Variants in STAM observed in about 807,000 individuals in gnomAD.
STAM encodes signal transducing adaptor molecule, also known as signal transducing adapter molecule 1.
Under a neutral mutation model 63.4 loss-of-function variants are expected in STAM, and 16 were observed. The ratio of observed to expected loss-of-function variants is 0.25; its 90% CI spans 0.17 to 0.38. The LOEUF (loss-of-function observed/expected upper bound fraction) is 0.38. STAM is among the 10% of genes least tolerant of loss of function. The pLI is 1.00. For missense variants in STAM, 636 were observed against 657.1 expected, an observed-to-expected ratio of 0.97 and a Z score of 0.35; for synonymous variants, 238 against 223.9, an observed-to-expected ratio of 1.06 and a Z score of -0.56.
intron 4 of STAM, among the ~76,000 whole-genome samples, chr10:17,685,614 A>G (rs12247383): frequency 6.6e-6 from 1 of 152,160 alleles, no homozygotes; most frequent in East Asian, 1.9e-4. Flanking sequence ...TTAGCAACAT[A>G]CTTGATCTTT....
At chr10:17,679,250 T>C (rs1291031455) in intron 2 of STAM, among the ~76,000 whole-genome samples, 10 of 152,318 alleles carry the variant, frequency 6.6e-5, no homozygotes, top group African/African-American at 2.4e-4. Flanking sequence ...CTTAAAAAAA[T>C]AGCCAGCCTA....
intron 5 of STAM, among the ~76,000 whole-genome samples, chr10:17,689,550 C>T (rs1341681779): frequency 6.6e-6 from 1 of 152,130 alleles, no homozygotes; most frequent in Non-Finnish European, 1.5e-5. Flanking sequence ...TAACTGATAG[C>T]TGGTTTTTAC....
chr10:17,699,135 G>A (rs1835883736), intron 8 of STAM, among the ~76,000 whole-genome samples: 1 of 152,186 alleles, frequency 6.6e-6, no homozygotes, highest in East Asian at 1.9e-4. Flanking sequence ...GAGCAAGATA[G>A]ATTGGCATTC....
chr10:17,687,957 A>G (rs1012890521), intron 4 of STAM, 70 bp from the exon 5 acceptor site: 133 of 1,314,828 alleles, frequency 1.0e-4, no homozygotes, highest in Non-Finnish European at 1.3e-4. Context: ...TAACTTTACT[A>G]TTTAAAATGT....
chr10:17,699,758 G>A (rs1835910535), intron 8 of STAM, among the ~76,000 whole-genome samples: 1 of 152,044 alleles, frequency 6.6e-6, no homozygotes, highest in South Asian at 2.1e-4. Context: ...TGGATTTTCT[G>A]TCAAACCAGA....
At chr10:17,713,910 C>T (rs1258381726) in intron 13 of STAM, among the ~76,000 whole-genome samples, 2 of 152,122 alleles carry the variant, frequency 1.3e-5, no homozygotes, top group African/African-American at 2.4e-5. Context: ...CTCCAGCCCC[C>T]TCCCCACCAC....
chr10:17,673,454 G>C (rs1341857187), intron 2 of STAM, among the ~76,000 whole-genome samples: 3 of 152,142 alleles, frequency 2.0e-5, no homozygotes, highest in Non-Finnish European at 4.4e-5. Context: ...CACAATTCTA[G>C]GCCCCATTCG....
intron 1 of STAM, among the ~76,000 whole-genome samples, chr10:17,654,582 A>T (rs1255906629): frequency 6.6e-6 from 1 of 152,190 alleles, no homozygotes; most frequent in Non-Finnish European, 1.5e-5. Context: ...CATATTGCAG[A>T]TACATGAGTA....
intron 2 of STAM, among the ~76,000 whole-genome samples, chr10:17,677,007 T>C (rs1313328956): frequency 2.6e-5 from 4 of 152,166 alleles, no homozygotes; most frequent in Non-Finnish European, 4.4e-5. Context: ...TTAAGTTCTG[T>C]TTTGTAGACA....
Position 17,714,590 on chromosome 10 carries a change from C to A in STAM, c.1433C>A (p.Pro478Gln), listed in dbSNP as rs1486974919. 2 of 1,614,064 alleles carry A rather than the reference C, an allele frequency of 1.2e-6. No individual in the cohort carries two copies. The highest frequency in any genetic ancestry group is 2.7e-5 in the African/African-American group (2 of 74,908). ...VQGNTYPSQA[P>Q]VYSPPPAATA... Reference sequence around the variant, plus strand: ...GGAAACACATATCCCAGCCAGGCGCCAGTATATAGTCCTCCTCCTGCCGCT... The same window carrying A: ...GGAAACACATATCCCAGCCAGGCGCAAGTATATAGTCCTCCTCCTGCCGCT... The change falls in exon 14 of 14, where the codon CCA becomes CAA. Residue 478 changes from proline to glutamine, a missense_variant. This residue lies in a region of STAM where 532 missense variants were observed against 536.9 expected (regional missense o/e 0.99). Transcript: ENST00000377524.
At chr10:17,673,468 T>G (rs1554824304) in intron 2 of STAM, among the ~76,000 whole-genome samples, 1 of 152,230 alleles carries the variant, frequency 6.6e-6, no homozygotes, top group African/African-American at 2.4e-5. Context: ...CCATTCGCAA[T>G]GACAGTGTTT....
At chr10:17,677,105 G>C (rs1207756600) in intron 2 of STAM, among the ~76,000 whole-genome samples, 1 of 152,120 alleles carries the variant, frequency 6.6e-6, no homozygotes, top group African/African-American at 2.4e-5. Context: ...ATTCTTACTG[G>C]CTTTGCAGCT....
intron 1 of STAM, among the ~76,000 whole-genome samples, chr10:17,650,377 C>G (rs1309339623): frequency 3.9e-5 from 6 of 152,214 alleles, no homozygotes; most frequent in Non-Finnish European, 7.3e-5. Flanking sequence ...CATTCTGACT[C>G]TTTACCAGAG....
chr10:17,652,138 G>T (rs1444757033), intron 1 of STAM, among the ~76,000 whole-genome samples: 1 of 151,998 alleles, frequency 6.6e-6, no homozygotes, highest in Non-Finnish European at 1.5e-5. Context: ...TGTTATTTTT[G>T]TCACTTTTCC....
chr10:17,696,704 C>A, intron 7 of STAM, 71 bp from the exon 8 acceptor site: 1 of 1,146,014 alleles, frequency 8.7e-7, no homozygotes, highest in South Asian at 1.4e-5. Context: ...AAGTTGAATA[C>A]TACAAAAGAT....
rs186929670 is a variant in STAM, at chr10:17,672,641, C to T, written c.126-12034C>T. Among the ~76,000 whole-genome samples, 22 of 152,302 alleles carry T rather than the reference C, an allele frequency of 1.4e-4. No homozygotes were observed. The East Asian group carries it at 3.9e-3, about 27-fold the overall frequency. On this transcript the variant is annotated intron_variant, in intron 2 of 13. Transcript: ENST00000377524. ...TGCAAGCCAGCTTCTTCAGCTGTTG[C>T]TCAAAGTAACAGTTTTGCTTTAATA...
intron 2 of STAM, among the ~76,000 whole-genome samples, chr10:17,683,012 T>TA (rs1835150243): frequency 6.6e-6 from 1 of 152,246 alleles, no homozygotes; most frequent in Non-Finnish European, 1.5e-5. Flanking sequence ...TATTCCTTGT[T>TA]ATGAAAACTG....
intron 8 of STAM, among the ~76,000 whole-genome samples, chr10:17,699,676 G>A (rs538464531): frequency 4.6e-5 from 7 of 152,288 alleles, no homozygotes; most frequent in South Asian, 2.1e-4. Flanking sequence ...CATGGACGGC[G>A]CTCTCTAAAC....
intron 2 of STAM, among the ~76,000 whole-genome samples, chr10:17,671,329 A>G (rs1364859759): frequency 6.6e-6 from 1 of 152,252 alleles, no homozygotes; most frequent in African/African-American, 2.4e-5. Context: ...AAAAGCAAAG[A>G]TAAAAAATGA....
Sources: gnomAD v4.1 joint callset for allele counts (sites outside exome capture counted in the v4.1 genomes callset) on GRCh38, gnomAD v4.1.1 for gene constraint, gnomAD v4.1.1 regional missense constraint, MANE v1.5 for transcripts, NCBI Gene and HGNC (gene_info 2026-07-23, HGNC 2026-07-21) for gene names.